The following PRAM1 variants were observed in gnomAD, a reference collection of about 807,000 sequenced individuals.
The protein encoded by PRAM1 is PML-RARA-regulated adapter molecule 1.
A neutral mutation model predicts 55.3 loss-of-function variants in PRAM1; 41 were observed. The observed-to-expected ratio is 0.74, with a 90% CI of 0.58 to 0.96. The LOEUF is 0.96. Among genes scored for constraint, PRAM1 ranks in the 40% least tolerant of loss-of-function variants. PRAM1 has a pLI of 0.00. For synonymous variants in PRAM1, 401 were observed against 387.1 expected, an observed-to-expected ratio of 1.04 and a Z score of -0.42; for missense variants, 898 against 892.7, an observed-to-expected ratio of 1.01 and a Z score of -0.08.
In PRAM1 at chr19:8,498,654, G is replaced by C. The variant is rs1599881734; in HGVS notation, c.1154C>G (p.Pro385Arg). The C allele has an allele frequency of 6.2e-7, 1 of 1,611,114 alleles. No individual in the cohort carries two copies. The highest frequency in any genetic ancestry group is 8.5e-7 in the Non-Finnish European group (1 of 1,179,040). The part of the protein sequence containing the change: ...FGDLPRKPPL[P>R]SSASESSLPA... ...CAGTGAGCTCTCGGAAGCGGAGCTG[G>C]GGAGTGGAGGCTTTCGAGGGAGATC... The change falls in exon 2 of 10, where the codon CCC becomes CGC. Residue 385 changes from proline (P) to arginine (R), a missense_variant. Pro to Arg is a moderately radical substitution (Grantham distance 103). Transcript: ENST00000423345.
chr19:8,500,613 C>T (rs1233745322), intron 1 of PRAM1, among the ~76,000 whole-genome samples: 2 of 152,160 alleles, frequency 1.3e-5, no homozygotes, highest in African/African-American at 4.8e-5. Flanking sequence ...CCTTCTCCTC[C>T]CTGCACCCTG....
rs776414844 is a variant in PRAM1, at chr19:8,499,015, C to T, written c.793G>A (p.Asp265Asn). The T allele has an allele frequency of 6.8e-6, 11 of 1,613,592 alleles. No individual in the cohort carries two copies. Among genetic ancestry groups the T allele is most frequent in the East Asian group, 2.2e-5 (1 of 44,860 alleles). ...WKPQSSEPKR[D>N]SSAFPKKASQ... ...GCCTTTTTGGGAAAGGCGCTGGAGTCGCGCTTCGGCTCGCTGGACTGAGGC... is the reference window on the plus strand; with the variant it reads ...GCCTTTTTGGGAAAGGCGCTGGAGTTGCGCTTCGGCTCGCTGGACTGAGGC... Residue 265 changes from aspartate to asparagine, a missense_variant, in exon 2 of 10, where the codon GAC becomes AAC. Physicochemically the swap from Asp to Asn is conservative, Grantham distance 23. Around this residue, in one of 4 missense-constraint regions of PRAM1, gnomAD observed 787 missense variants for 735.4 expected, o/e 1.07. Transcript: ENST00000423345.
rs749520399 is a variant in PRAM1 at position 8,490,344 on chromosome 19, A to G, written c.1969T>C (p.Phe657Leu). 2.5e-6 allele frequency: 4 copies of G among 1,613,994 alleles called. No homozygotes were observed. The highest frequency in any genetic ancestry group is 1.3e-5 in the African/African-American group (1 of 75,044). ...LETEVYDDVD[F>L]CDPLENQPLP... ...TCCCAGAGTGTCCACGTACCGCAGA[A>G]GTCGACATCATCGTACACCTCCGTC... is the stretch of plus-strand genomic sequence containing the variant. Residue 657 changes from phenylalanine to leucine, a missense_variant, in exon 9 of 10, where the codon TTC (phenylalanine) becomes CTC (leucine). Physicochemically the swap from Phe to Leu is conservative, Grantham distance 22. Transcript: ENST00000423345. The surrounding 1 kb of genome is among the most constrained non-coding windows in gnomAD (Gnocchi z 7.3).
Position 8,499,010 on chromosome 19 carries a change from G to A in PRAM1, c.798C>T (p.Ser266=). The A allele has an allele frequency of 6.2e-7, 1 of 1,613,758 alleles. No homozygotes were observed. Among genetic ancestry groups the A allele is most frequent in the Non-Finnish European group, 8.5e-7 (1 of 1,179,822 alleles). ...GGGAGGCCTTTTTGGGAAAGGCGCTGGAGTCGCGCTTCGGCTCGCTGGACT... is the reference window on the plus strand; with the variant it reads ...GGGAGGCCTTTTTGGGAAAGGCGCTAGAGTCGCGCTTCGGCTCGCTGGACT... ...KPQSSEPKRD[S]SAFPKKASQP... is the part of the protein sequence containing the mutation. Residue 266 remains serine (S), a synonymous_variant, in exon 2 of 10, where the codon TCC becomes TCT. Coordinates refer to ENST00000423345, the MANE Select transcript of PRAM1 (RefSeq NM_032152.5).
chr19:8,491,181 T>C, intron 4 of PRAM1, 24 bp from the exon 5 acceptor site: 1 of 1,605,192 alleles, frequency 6.2e-7, no homozygotes. Context: ...GGACTCCGAG[T>C]CAAGGCAGGG....
rs12462434 is a variant in PRAM1 at position 8,494,352 on chromosome 19, A to G, written c.1577-3195T>C. 6.6e-3 allele frequency among the ~76,000 whole-genome samples: 998 copies of G among 152,252 alleles called. 41 individuals are homozygous for G. Among genetic ancestry groups the G allele is most frequent in the East Asian group, 0.05 (260 of 5,168 alleles). Reference sequence around the variant, plus strand: ...ATCCCCAACGGTGGCCCCCAGACCCAAGCCACAGAGCCTCCCCTAGAGCGG... The same window carrying G: ...ATCCCCAACGGTGGCCCCCAGACCCGAGCCACAGAGCCTCCCCTAGAGCGG... On this transcript the variant is annotated intron_variant, in intron 4 of 9. Coordinates refer to ENST00000423345, the MANE Select transcript of PRAM1 (RefSeq NM_032152.5).
chr19:8,497,736 C>T, intron 4 of PRAM1, 28 bp downstream of exon 4: 1 of 1,577,382 alleles, frequency 6.3e-7, no homozygotes, highest in Non-Finnish European at 8.6e-7. Context: ...GAATGTTTTG[C>T]AGGGACTCGG....
At chr19:8,501,651 AAAC>A (rs1294460887) in intron 1 of PRAM1, among the ~76,000 whole-genome samples, 1 of 151,948 alleles carries the variant, frequency 6.6e-6, no homozygotes, top group East Asian at 1.9e-4. Context: ...TTGCTGAAAT[AAAC>A]AATATTCAGG....
intron 4 of PRAM1, 112 bp from the exon 5 acceptor site, chr19:8,491,269 T>C: frequency 1.7e-6 from 2 of 1,168,774 alleles, no homozygotes; most frequent in Non-Finnish European, 2.5e-6. Context: ...AGTCTTGCTC[T>C]GTCACCCAGG....
In PRAM1 at chr19:8,498,297, G is replaced by A. The variant is rs567191995; in HGVS notation, c.1433-8C>T. The stretch of plus-strand genomic sequence containing the variant: ...AGCGGGTCCTCCGTAGATCTGTGGG[G>A]TAGAGAGTAGGGCAGGGAAGCCGGC... On this transcript the variant is annotated splice_polypyrimidine_tract_variant and splice_region_variant and intron_variant, in intron 2 of 9. Coordinates refer to ENST00000423345, the MANE Select transcript of PRAM1 (RefSeq NM_032152.5). The A allele has an allele frequency of 2.2e-5, 35 of 1,611,096 alleles. No homozygotes were observed. In the South Asian group the frequency reaches 3.8e-4, roughly 17 times the overall value.
chr19:8,497,028 AAAAT>A (rs536521079), intron 4 of PRAM1, among the ~76,000 whole-genome samples: 137 of 152,262 alleles, frequency 9.0e-4, no homozygotes, highest in African/African-American at 2.4e-3. Flanking sequence ...TCCATCTCAA[AAAAT>A]AAATAAATAA....
chr19:8,498,479 A>G lies in PRAM1; in HGVS notation c.1329T>C (p.Pro443=). The G allele has an allele frequency of 6.3e-7, 1 of 1,590,234 alleles. No individual in the cohort carries two copies. Among genetic ancestry groups the G allele is most frequent in the Non-Finnish European group, 8.6e-7 (1 of 1,168,102 alleles). Residue 443 remains proline (P), a synonymous_variant, in exon 2 of 10, where the codon CCT becomes CCC. Transcript: ENST00000423345. ...LRPSHPPRRR[P]LPPASSLGHP... The stretch of plus-strand genomic sequence containing the variant: ...GTCCCAGGCTGCTGGCAGGGGGCAG[A>G]GGCCTCCGCCGGGGTGGATGGCTGG...
In PRAM1 at chr19:8,497,825, G is replaced by T. The variant is rs1264524220; in HGVS notation, c.1515C>A (p.Ile505=). Residue 505 remains isoleucine, a synonymous_variant, in exon 4 of 10, where the codon ATC becomes ATA. Coordinates refer to ENST00000423345, the MANE Select transcript of PRAM1 (RefSeq NM_032152.5). ...GTTCCACATCGTCATACAGCTCGTA[G>T]ATCTCATCTGGGACCCTGCGGGGAT... The part of the protein sequence containing the change: ...PEDIPQVPDE[I]YELYDDVEPR... 2 of 1,570,884 alleles carry T rather than the reference G, an allele frequency of 1.3e-6. No individual in the cohort carries two copies. The highest frequency in any genetic ancestry group is 4.6e-5 in the East Asian group (2 of 43,272).
intron 4 of PRAM1, among the ~76,000 whole-genome samples, chr19:8,496,940 G>A (rs1248262202): frequency 6.6e-6 from 1 of 151,944 alleles, no homozygotes; most frequent in Non-Finnish European, 1.5e-5. Flanking sequence ...GCAGGAGAAT[G>A]GCATGAACCC....
chr19:8,491,072 G>C (rs762142764), intron 5 of PRAM1, 28 bp downstream of exon 5: 3 of 1,611,924 alleles, frequency 1.9e-6, no homozygotes, highest in Non-Finnish European at 2.5e-6. Context: ...CTCGCCCCCC[G>C]TCTGCCCACC....
chr19:8,500,021 G>A (rs961463952), intron 1 of PRAM1, among the ~76,000 whole-genome samples: 25 of 151,924 alleles, frequency 1.6e-4, no homozygotes, highest in African/African-American at 5.8e-4. Context: ...TGGAGATCCC[G>A]ACATCCCTCC....
rs149002612 is a variant in PRAM1 at position 8,493,922 on chromosome 19, C to T, written c.1577-2765G>A. Reference sequence around the variant, plus strand: ...AAGCGATCCTCCCACCTCAGCCTCCCCAGAAGCTGGGACTACAGGTGTGCA... The same window carrying T: ...AAGCGATCCTCCCACCTCAGCCTCCTCAGAAGCTGGGACTACAGGTGTGCA... On this transcript the variant is annotated intron_variant, in intron 4 of 9. Transcript: ENST00000423345. This position sits in a 1 kb window ranked among gnomAD's most constrained non-coding sequence, Gnocchi z 4.1. Among the ~76,000 whole-genome samples, 333 of 152,266 alleles carry T rather than the reference C, an allele frequency of 2.2e-3. 1 individual carries two copies. Among genetic ancestry groups the T allele is most frequent in the African/African-American group, 7.7e-3 (318 of 41,560 alleles).
rs966095262 is a variant in PRAM1 at position 8,490,213 on chromosome 19, G to A, written c.1989C>T (p.Asn663=). 1 of 1,598,792 alleles carries A rather than the reference G, an allele frequency of 6.3e-7. No individual in the cohort carries two copies. The highest frequency in any genetic ancestry group is 1.3e-5 in the African/African-American group (1 of 74,730). Residue 663 remains asparagine (N), a synonymous_variant, in exon 10 of 10, where the codon AAC becomes AAT. Transcript: ENST00000423345. The surrounding 1 kb of genome is among the most constrained non-coding windows in gnomAD (Gnocchi z 7.3). ...DDVDFCDPLE[N]QPLPLGR ...CTTACCGTCCCAGGGGGAGTGGTTG[G>A]TTTTCCAGGGGATCTGCCGAGGAAG...
rs1355033311 is a variant in PRAM1 at position 8,498,865 on chromosome 19, T to C, written c.943A>G (p.Lys315Glu). The C allele has an allele frequency of 6.2e-7, 1 of 1,610,646 alleles. No homozygotes were observed. Among genetic ancestry groups the C allele is most frequent in the African/African-American group, 1.3e-5 (1 of 74,670 alleles). The change falls in exon 2 of 10, where the codon AAA (lysine) becomes GAA (glutamate). Residue 315 changes from lysine (K) to glutamate (E), a missense_variant. Lys to Glu is a moderately conservative substitution (Grantham distance 56, BLOSUM62 1). This residue lies in a region of PRAM1 where 787 missense variants were observed against 735.4 expected (regional missense o/e 1.07). Coordinates refer to ENST00000423345, the MANE Select transcript of PRAM1 (RefSeq NM_032152.5). ...TGCGGGGGCTTCTTGGAGAGCGCTTTGAATTCGGCCGGCCGCGGCCTCTTG... is the reference window on the plus strand; with the variant it reads ...TGCGGGGGCTTCTTGGAGAGCGCTTCGAATTCGGCCGGCCGCGGCCTCTTG... Reference protein sequence around the residue: ...LPKRPRPAEFKALSKKPPQPE... With the variant: ...LPKRPRPAEFEALSKKPPQPE...
Sources: gnomAD v4.1 joint callset for allele counts (sites outside exome capture counted in the v4.1 genomes callset) on GRCh38, gnomAD v4.1.1 for gene constraint, gnomAD v4.1.1 regional missense constraint, Gnocchi (gnomAD v3.1) non-coding constraint, MANE v1.5 for transcripts, NCBI Gene and HGNC (gene_info 2026-07-23, HGNC 2026-07-21) for gene names.